Variants in TP63 observed in about 807,000 individuals in gnomAD.
TP63 encodes the protein tumor protein 63.
Under a neutral mutation model 82.8 loss-of-function variants are expected in TP63, and 17 were observed. The ratio of observed to expected loss-of-function variants is 0.21; its 90% CI spans 0.14 to 0.31. The LOEUF is 0.31. Ranked by LOEUF, TP63 falls within the 10% of genes least tolerant of loss-of-function variation. The pLI, the probability that TP63 is intolerant of heterozygous loss-of-function variation, is 1.00. For synonymous variants in TP63, 330 were observed against 321.7 expected (o/e 1.03, Z -0.28); for missense variants, 648 against 895.3 (o/e 0.72, Z 3.52).
chr3:189,611,083 A>T, the TP63 span, among the ~76,000 whole-genome samples: 1 of 152,088 alleles, frequency 6.6e-6, no homozygotes, highest in Non-Finnish European at 1.5e-5. Context: ...TTGGATGGGG[A>T]CACAGCCAAG....
the TP63 span, among the ~76,000 whole-genome samples, chr3:189,625,103 C>G: frequency 1.3e-5 from 2 of 152,072 alleles, no homozygotes. Flanking sequence ...ATTGCAGATA[C>G]AGTATTTCAC....
At chr3:189,750,125 G>GAAAA (rs71175309) in intron 3 of TP63, among the ~76,000 whole-genome samples, 2 of 95,510 alleles carry the variant, frequency 2.1e-5, no homozygotes, top group African/African-American at 3.9e-5. Context: ...CTCTGTCTCA[G>GAAAA]AAAAAAAAAA....
chr3:189,720,736 G>GACAAAA (rs1719321149), intron 1 of TP63, among the ~76,000 whole-genome samples: 1 of 120,934 alleles, frequency 8.3e-6, no homozygotes. Flanking sequence ...CTCCGTCTCA[G>GACAAAA]AAAAAAAAAA....
chr3:189,828,196 G>A (rs772263043), intron 4 of TP63, among the ~76,000 whole-genome samples: 5 of 151,592 alleles, frequency 3.3e-5, no homozygotes, highest in South Asian at 2.1e-4. Context: ...AGCTGAGATC[G>A]TGCCGCTGTG....
At chr3:189,617,232 G>A in the TP63 span, among the ~76,000 whole-genome samples, 7 of 152,264 alleles carry the variant, frequency 4.6e-5, no homozygotes, top group Admixed American at 1.3e-4. Context: ...TTGATGTAAC[G>A]CATACAGTGC....
intron 3 of TP63, among the ~76,000 whole-genome samples, chr3:189,781,788 G>A (rs940724860): frequency 6.6e-6 from 1 of 152,150 alleles, no homozygotes. Flanking sequence ...AAATCAACTA[G>A]TCTATAAAAT....
chr3:189,891,032 G>C (rs1720964954), intron 13 of TP63, 150 bp downstream of exon 13: 1 of 721,530 alleles, frequency 1.4e-6, no homozygotes, highest in Non-Finnish European at 2.4e-6. Context: ...AACTATGTTA[G>C]AAAGATTCCC....
intron 1 of TP63, among the ~76,000 whole-genome samples, chr3:189,656,388 C>T (rs1163065472): frequency 6.6e-6 from 1 of 152,036 alleles, no homozygotes; most frequent in Non-Finnish European, 1.5e-5. Context: ...GCAAAATGGT[C>T]TTATATAATA....
chr3:189,677,708 C>G (rs1170271912), intron 1 of TP63, among the ~76,000 whole-genome samples: 1 of 151,836 alleles, frequency 6.6e-6, no homozygotes, highest in Non-Finnish European at 1.5e-5. Flanking sequence ...ATTTATATTC[C>G]CACCAACAGT....
chr3:189,676,370 T>C (rs1715395300), intron 1 of TP63, among the ~76,000 whole-genome samples: 1 of 152,142 alleles, frequency 6.6e-6, no homozygotes, highest in African/African-American at 2.4e-5. Flanking sequence ...TCCTATTATT[T>C]GACATTTTTT....
At chr3:189,603,068 A>C in the TP63 span, among the ~76,000 whole-genome samples, 15 of 152,320 alleles carry the variant, frequency 9.8e-5, no homozygotes, top group East Asian at 2.7e-3. Context: ...CGTCTAATGC[A>C]AAAGAATGGA....
chr3:189,671,624 T>G (rs1161709311), intron 1 of TP63, among the ~76,000 whole-genome samples: 2 of 152,038 alleles, frequency 1.3e-5, no homozygotes, highest in Non-Finnish European at 2.9e-5. Flanking sequence ...ATAGCCAAAA[T>G]ATGGAATCAA....
chr3:189,711,172 A>G (rs1195334742), intron 1 of TP63, among the ~76,000 whole-genome samples: 1 of 152,190 alleles, frequency 6.6e-6, no homozygotes, highest in African/African-American at 2.4e-5. Context: ...GCCAGGAACC[A>G]TTACTTAATC....
chr3:189,774,079 C>T (rs529280465), intron 3 of TP63, among the ~76,000 whole-genome samples: 8 of 152,114 alleles, frequency 5.3e-5, no homozygotes, highest in Admixed American at 2.0e-4. Flanking sequence ...TCCACCACCA[C>T]GCCCAGCTAA....
intron 1 of TP63, among the ~76,000 whole-genome samples, chr3:189,659,656 G>A (rs192937096): frequency 1.3e-5 from 2 of 152,144 alleles, no homozygotes; most frequent in African/African-American, 4.8e-5. Context: ...CACAGTGGCT[G>A]AACTAATTTA....
intron 3 of TP63, among the ~76,000 whole-genome samples, chr3:189,774,422 G>T (rs1723624053): frequency 6.6e-6 from 1 of 152,116 alleles, no homozygotes; most frequent in Non-Finnish European, 1.5e-5. Context: ...CTTTCCTTAT[G>T]ACCAAATACT....
intron 1 of TP63, among the ~76,000 whole-genome samples, chr3:189,732,986 G>A (rs965399641): frequency 6.6e-6 from 1 of 152,150 alleles, no homozygotes. Flanking sequence ...ACTGAGGGTT[G>A]GGTAGGCATG....
chr3:189,709,134 A>G (rs143370282), intron 1 of TP63, among the ~76,000 whole-genome samples: 1,769 of 152,264 alleles, frequency 0.012, 33 homozygotes, highest in Non-Finnish European at 0.013. Flanking sequence ...GAAAATGTAC[A>G]CTGCAGCTGA....
chr3:189,602,275 G>A, the TP63 span, among the ~76,000 whole-genome samples: 1 of 151,918 alleles, frequency 6.6e-6, no homozygotes, highest in African/African-American at 2.4e-5. Context: ...TGAACAGGAA[G>A]TCATGTGTGA....
Sources: allele counts gnomAD v4.1 joint callset (sites outside exome capture counted in the v4.1 genomes callset), GRCh38; gene constraint gnomAD v4.1.1; transcripts MANE v1.5; gene names NCBI Gene and HGNC (gene_info 2026-07-23, HGNC 2026-07-21).